STT3B: variants seen among roughly 807,000 people sequenced by gnomAD.
STT3B encodes the protein STT3 oligosaccharyltransferase complex catalytic subunit B.
In STT3B, 29 loss-of-function variants were observed where a neutral mutation model predicts 96.8. The observed-to-expected ratio is 0.30, with a 90% CI of 0.22 to 0.41. STT3B has a LOEUF of 0.41. Among genes scored for constraint, STT3B ranks in the 10% least tolerant of loss-of-function variants. STT3B has a pLI of 1.00. For synonymous variants in STT3B, 367 were observed against 360.0 expected, an observed-to-expected ratio of 1.02 and a Z score of -0.22; for missense variants, 640 against 1,022.3, an observed-to-expected ratio of 0.63 and a Z score of 5.10.
rs187594092 is a variant in STT3B, at chr3:31,553,816, C to T, written c.314+20504C>T. 3.5e-4 allele frequency among the ~76,000 whole-genome samples: 53 copies of T among 152,300 alleles called. 2 individuals carry two copies. The highest frequency in any genetic ancestry group is 3.1e-3 in the Admixed American group (48 of 15,288). On this transcript the variant is annotated intron_variant, in intron 1 of 15. Transcript: ENST00000295770. ...TTATATTTTCTTGTTGCCTCTTCCT[C>T]CTGTGAGATTGTCAGCTCTGTGAGG...
intron 1 of STT3B, among the ~76,000 whole-genome samples, chr3:31,537,091 T>C (rs567221076): frequency 1.3e-5 from 2 of 152,326 alleles, no homozygotes; most frequent in East Asian, 3.9e-4. Flanking sequence ...TTAGCAAAAA[T>C]GCAGCAGACG....
At chr3:31,622,067 A>T (rs375438745) in intron 9 of STT3B, 30 bp from the exon 10 acceptor site, 1 of 1,590,134 alleles carries the variant, frequency 6.3e-7, no homozygotes, top group Admixed American at 1.7e-5. Flanking sequence ...TTTTCCCTCC[A>T]ACATATTGTA....
chr3:31,625,846 T>A, intron 12 of STT3B, 108 bp from the exon 13 acceptor site: 2 of 1,082,488 alleles, frequency 1.8e-6, no homozygotes, highest in Admixed American at 5.3e-5. Flanking sequence ...AAAAATTCCA[T>A]GTAAAACAAA....
chr3:31,541,811 C>T (rs569813905), intron 1 of STT3B, among the ~76,000 whole-genome samples: 102 of 152,170 alleles, frequency 6.7e-4, no homozygotes, highest in African/African-American at 1.9e-3. Context: ...CTCCTGACCT[C>T]GTGATGCACC....
chr3:31,593,768 A>G (rs1199434713), intron 3 of STT3B, among the ~76,000 whole-genome samples: 1 of 151,912 alleles, frequency 6.6e-6, no homozygotes, highest in Admixed American at 6.6e-5. Flanking sequence ...TTCTTTATGG[A>G]AATTTTGTGT....
rs866475867 is a variant in STT3B at position 31,613,210 on chromosome 3, A to T, written c.878-1895A>T. The stretch of plus-strand genomic sequence containing the variant: ...CTCTTTAAAATGGTTATGTCATGTG[A>T]CTTTCACCTCAATTTTTTTAAGAAG... On this transcript the variant is annotated intron_variant, in intron 5 of 15. Transcript: ENST00000295770. Among the ~76,000 whole-genome samples the T allele has an allele frequency of 1.6e-4, 24 of 152,152 alleles. No homozygotes were observed. In the Middle Eastern group the frequency reaches 0.01, roughly 65 times the overall value.
At chr3:31,547,974 T>G (rs946156245) in intron 1 of STT3B, among the ~76,000 whole-genome samples, 1 of 152,184 alleles carries the variant, frequency 6.6e-6, no homozygotes, top group South Asian at 2.1e-4. Context: ...AGAGTGGAAA[T>G]AATAATACTT....
At chr3:31,577,095 T>TA in intron 2 of STT3B, among the ~76,000 whole-genome samples, 1 of 152,308 alleles carries the variant, frequency 6.6e-6, no homozygotes, top group South Asian at 2.1e-4. Flanking sequence ...TTGATTTTTT[T>TA]AAATCAATTT....
rs539521616 is a variant in STT3B at position 31,532,953 on chromosome 3, C to A, written c.-46C>A. On this transcript the variant is annotated 5_prime_UTR_variant, in exon 1 of 16. Transcript: ENST00000295770. Reference sequence around the variant, plus strand: ...CCCGCCCAGCACCCCTCGCACCAGGCGGCGGCGGCGGAGGAGGAGAGCTAG... The same window carrying A: ...CCCGCCCAGCACCCCTCGCACCAGGAGGCGGCGGCGGAGGAGGAGAGCTAG... 77 of 1,525,364 alleles carry A rather than the reference C, an allele frequency of 5.0e-5. No individual in the cohort carries two copies. The South Asian group carries it at 9.3e-4, about 18-fold the overall frequency. 94.5% of individuals were successfully genotyped at this position (1,525,364 alleles called of 1,614,324 possible).
chr3:31,628,227 C>T (rs963771271), intron 13 of STT3B, among the ~76,000 whole-genome samples: 6 of 2,468 alleles, frequency 2.4e-3, no homozygotes, highest in African/African-American at 4.9e-3. Context: ...AATGGGGGGG[C>T]GGGCGGGCGG....
chr3:31,605,031 TTAA>T (rs1699017187), intron 5 of STT3B, among the ~76,000 whole-genome samples: 1 of 152,198 alleles, frequency 6.6e-6, no homozygotes, highest in Non-Finnish European at 1.5e-5. Context: ...TGAAAGGTGC[TTAA>T]TAATAGATGA....
Position 31,615,122 on chromosome 3 carries a change from A to G in STT3B, c.895A>G (p.Ile299Val), listed in dbSNP as rs141238380. 333 of 1,609,110 alleles carry G rather than the reference A, an allele frequency of 2.1e-4. 2 individuals are homozygous for G. The Middle Eastern group carries it at 3.5e-3, about 17-fold the overall frequency. Residue 299 changes from isoleucine (I) to valine (V), a missense_variant, in exon 6 of 16, where the codon ATT (isoleucine) becomes GTT (valine). Coordinates refer to ENST00000295770, the MANE Select transcript of STT3B (RefSeq NM_178862.3). The part of the protein sequence containing the change: ...RVYIAYSTFY[I>V]VGLILSMQIP... ...CTTTATAGCATATAGCACTTTCTACATTGTGGGTTTAATATTATCAATGCA... is the reference window on the plus strand; with the variant it reads ...CTTTATAGCATATAGCACTTTCTACGTTGTGGGTTTAATATTATCAATGCA...
chr3:31,598,145 A>G (rs1321936776), intron 4 of STT3B, among the ~76,000 whole-genome samples: 1 of 152,030 alleles, frequency 6.6e-6, no homozygotes, highest in Admixed American at 6.6e-5. Context: ...CCCTAGCTTT[A>G]TTTTTTAAAT....
At chr3:31,557,710 G>A (rs1462945518) in intron 1 of STT3B, among the ~76,000 whole-genome samples, 3 of 152,124 alleles carry the variant, frequency 2.0e-5, no homozygotes, top group African/African-American at 7.2e-5. Flanking sequence ...TCGGCTCACT[G>A]CAAGCTCCGC....
intron 3 of STT3B, among the ~76,000 whole-genome samples, chr3:31,596,582 A>G (rs545501301): frequency 2.6e-5 from 4 of 152,360 alleles, no homozygotes; most frequent in African/African-American, 7.2e-5. Context: ...TGAAAACTAC[A>G]TAACAGAGAA....
At chr3:31,596,998 C>G in intron 4 of STT3B, 135 bp downstream of exon 4, 1 of 669,510 alleles carries the variant, frequency 1.5e-6, no homozygotes, top group East Asian at 2.7e-5. Context: ...CTTTCCTTCT[C>G]CTACTCACAG....
At chr3:31,633,851 A>G (rs1306257780) in intron 15 of STT3B, among the ~76,000 whole-genome samples, 1 of 152,180 alleles carries the variant, frequency 6.6e-6, no homozygotes, top group Non-Finnish European at 1.5e-5. Flanking sequence ...AAGGTTCATT[A>G]TAAGGTACTA....
At chr3:31,538,172 C>T (rs1697147975) in intron 1 of STT3B, among the ~76,000 whole-genome samples, 1 of 152,184 alleles carries the variant, frequency 6.6e-6, no homozygotes, top group African/African-American at 2.4e-5. Context: ...AGCATATCTT[C>T]CTATCCATTA....
At chr3:31,625,454 C>G (rs1699515647) in intron 12 of STT3B, among the ~76,000 whole-genome samples, 1 of 152,162 alleles carries the variant, frequency 6.6e-6, no homozygotes, top group African/African-American at 2.4e-5. Flanking sequence ...CAAACTGTTC[C>G]TCTAGCTATT....
Sources: allele counts gnomAD v4.1 joint callset (sites outside exome capture counted in the v4.1 genomes callset), GRCh38; gene constraint gnomAD v4.1.1; transcripts MANE v1.5; gene names NCBI Gene and HGNC (gene_info 2026-07-23, HGNC 2026-07-21).